PSD3: variants seen among roughly 807,000 people sequenced by gnomAD.
PSD3 encodes pleckstrin and Sec7 domain containing 3.
PSD3 carries 49 observed loss-of-function variants against 105.5 expected under a neutral mutation model. The observed-to-expected ratio is 0.46, with a 90% CI of 0.37 to 0.59. PSD3 has a LOEUF of 0.59. PSD3 is among the 20% of genes least tolerant of loss of function. The pLI is 0.00. For synonymous variants in PSD3, 557 were observed against 457.8 expected (o/e 1.22, Z -2.77); for missense variants, 1,561 against 1,263.8 (o/e 1.24, Z -3.57).
chr8:19,058,930 C>T (rs966676602), intron 1 of PSD3, among the ~76,000 whole-genome samples: 10 of 152,166 alleles, frequency 6.6e-5, no homozygotes, highest in African/African-American at 2.2e-4. Flanking sequence ...GAAGGATGGG[C>T]ACCCATAGCT....
intron 9 of PSD3, among the ~76,000 whole-genome samples, chr8:18,731,789 A>C (rs1431035068): frequency 6.6e-6 from 1 of 152,148 alleles, no homozygotes; most frequent in African/African-American, 2.4e-5. Flanking sequence ...TTTCCTGGGA[A>C]CACTTGCCAT....
At chr8:18,945,699 G>A (rs1027641989) in intron 1 of PSD3, among the ~76,000 whole-genome samples, 1 of 152,176 alleles carries the variant, frequency 6.6e-6, no homozygotes, top group African/African-American at 2.4e-5. Context: ...AAGTCAGCTG[G>A]GCGTGGTGGC....
chr8:18,743,025 G>C (rs1339454282), intron 9 of PSD3, among the ~76,000 whole-genome samples: 1 of 152,160 alleles, frequency 6.6e-6, no homozygotes, highest in African/African-American at 2.4e-5. Context: ...GATGCCTTTA[G>C]CTTTAGAAAT....
intron 1 of PSD3, among the ~76,000 whole-genome samples, chr8:19,083,125 C>T (rs1368234580): frequency 6.6e-6 from 1 of 152,262 alleles, no homozygotes; most frequent in East Asian, 1.9e-4. Context: ...TCCATGCTAA[C>T]CCTCAACACT....
rs1224597557 is a variant in PSD3 at position 18,529,573 on chromosome 8, T to G, written c.*6170A>C. 1 of 152,604 alleles carries G rather than the reference T, an allele frequency of 6.6e-6. No homozygotes were observed. Among genetic ancestry groups the G allele is most frequent in the Non-Finnish European group, 1.5e-5 (1 of 68,024 alleles). 9.5% of individuals were successfully genotyped at this position (152,604 alleles called of 1,614,324 possible). ...TAAATGGAAAGCAACCACTTTACTG[T>G]CCCCTAAGCTTCAATTTGGTCTAAT... On this transcript the variant is annotated 3_prime_UTR_variant, in exon 16 of 16. Coordinates refer to ENST00000327040, the MANE Select transcript of PSD3 (RefSeq NM_015310.4).
chr8:18,550,228 A>G (rs1315575534), intron 15 of PSD3, among the ~76,000 whole-genome samples: 1 of 152,232 alleles, frequency 6.6e-6, no homozygotes, highest in Non-Finnish European at 1.5e-5. Flanking sequence ...AATTCTTTGC[A>G]ATCATCTACT....
chr8:18,903,888 T>G (rs1032448174), intron 2 of PSD3, among the ~76,000 whole-genome samples: 3 of 151,910 alleles, frequency 2.0e-5, no homozygotes, highest in African/African-American at 7.3e-5. Flanking sequence ...AAGTACTGTT[T>G]CCCCAGGAGA....
chr8:19,070,085 G>C (rs1563543312), intron 1 of PSD3, among the ~76,000 whole-genome samples: 1 of 151,880 alleles, frequency 6.6e-6, no homozygotes, highest in East Asian at 1.9e-4. Flanking sequence ...GCTGGATTAG[G>C]AGAGGTTTCT....
intron 1 of PSD3, among the ~76,000 whole-genome samples, chr8:18,948,546 A>G (rs1823004382): frequency 6.6e-6 from 1 of 152,182 alleles, no homozygotes; most frequent in Non-Finnish European, 1.5e-5. Context: ...CAAAACAAGT[A>G]CTATGCAAAG....
intron 4 of PSD3, among the ~76,000 whole-genome samples, chr8:18,826,128 T>C (rs143802658): frequency 4.6e-5 from 7 of 152,246 alleles, no homozygotes; most frequent in South Asian, 2.1e-4. Flanking sequence ...AACTGGGACA[T>C]TTCTCTTTTC....
chr8:18,859,382 T>C (rs925507462), intron 4 of PSD3, among the ~76,000 whole-genome samples: 4 of 152,246 alleles, frequency 2.6e-5, no homozygotes, highest in African/African-American at 7.2e-5. Context: ...TGAAGGGCCG[T>C]AGGATTTTGA....
chr8:18,789,231 A>T (rs57625991), intron 8 of PSD3, among the ~76,000 whole-genome samples: 1 of 152,124 alleles, frequency 6.6e-6, no homozygotes, highest in East Asian at 1.9e-4. Context: ...TAGTAACACT[A>T]AAAACATTTT....
intron 1 of PSD3, among the ~76,000 whole-genome samples, chr8:18,948,361 G>T (rs566201398): frequency 6.6e-6 from 1 of 152,112 alleles, no homozygotes; most frequent in Non-Finnish European, 1.5e-5. Flanking sequence ...GAGCACTTGG[G>T]GATTTAAGTC....
At chr8:18,893,837 C>T (rs6998127) in intron 2 of PSD3, among the ~76,000 whole-genome samples, 7,151 of 152,318 alleles carry the variant, frequency 0.047, 204 homozygotes, top group South Asian at 0.081. Context: ...GGTTCTGCCA[C>T]GGCTGCCATT....
chr8:18,626,213 T>C (rs1164488583), intron 11 of PSD3, among the ~76,000 whole-genome samples: 3 of 151,896 alleles, frequency 2.0e-5, no homozygotes, highest in Non-Finnish European at 4.4e-5. Context: ...TTTAAAAATA[T>C]GGATGCAGTC....
At chr8:18,618,502 ATTGCTG>A (rs1805863612) in intron 11 of PSD3, among the ~76,000 whole-genome samples, 26 of 151,248 alleles carry the variant, frequency 1.7e-4, no homozygotes, top group South Asian at 4.3e-4. Context: ...ATGAAATTCT[ATTGCTG>A]TATCTATCAT....
At chr8:18,581,368 C>T (rs1314320420) in intron 12 of PSD3, among the ~76,000 whole-genome samples, 1 of 152,014 alleles carries the variant, frequency 6.6e-6, no homozygotes, top group Non-Finnish European at 1.5e-5. Context: ...TTTTTAGGTA[C>T]TCTTGGGCTC....
Position 18,838,687 on chromosome 8 carries a change from G to C in PSD3, c.1634+28987C>G, listed in dbSNP as rs181396278. ...GTGGTGGCGGGCACCTGTAGTCCCA[G>C]CTACTTCGGGAGGCTGAGGCAGGAG... On this transcript the variant is annotated intron_variant, in intron 4 of 15. Coordinates refer to ENST00000327040, the MANE Select transcript of PSD3 (RefSeq NM_015310.4). Among the ~76,000 whole-genome samples, 57 of 151,784 alleles carry C rather than the reference G, an allele frequency of 3.8e-4. 1 individual carries two copies. In the East Asian group the frequency reaches 0.011, roughly 30 times the overall value.
chr8:19,039,222 C>T (rs561682242), intron 1 of PSD3, among the ~76,000 whole-genome samples: 3 of 152,264 alleles, frequency 2.0e-5, no homozygotes, highest in Admixed American at 2.0e-4. Context: ...ATTCTTTTCC[C>T]TACTCTTCTT....
Sources: gnomAD v4.1 joint callset for allele counts (sites outside exome capture counted in the v4.1 genomes callset) on GRCh38, gnomAD v4.1.1 for gene constraint, MANE v1.5 for transcripts, NCBI Gene and HGNC (gene_info 2026-07-23, HGNC 2026-07-21) for gene names.